GLCCI1: variants seen among roughly 807,000 people sequenced by gnomAD.
GLCCI1 encodes glucocorticoid induced 1.
A neutral mutation model predicts 52.2 loss-of-function variants in GLCCI1; 24 were observed. That is an observed-to-expected ratio of 0.46 (90% CI 0.33 to 0.65). The LOEUF (loss-of-function observed/expected upper bound fraction) is 0.65. GLCCI1 is among the 30% of genes least tolerant of loss of function. GLCCI1 has a pLI of 0.02. For synonymous variants in GLCCI1, 310 were observed against 276.5 expected (o/e 1.12, Z -1.20); for missense variants, 704 against 701.5 (o/e 1.00, Z -0.04).
Position 7,969,242 on chromosome 7 carries a change from T to G in GLCCI1, c.-109T>G. Reference sequence around the variant, plus strand: ...TCCCCCACAGCGATACCCCCGCCCCTCCCCCTTACACACTCGCACGCACTA... The same window carrying G: ...TCCCCCACAGCGATACCCCCGCCCCGCCCCCTTACACACTCGCACGCACTA... On this transcript the variant is annotated 5_prime_UTR_variant, in exon 1 of 8. Coordinates refer to ENST00000223145, the MANE Select transcript of GLCCI1 (RefSeq NM_138426.4). This position sits in a 1 kb window ranked among gnomAD's most constrained non-coding sequence, Gnocchi z 4.9. 10 of 189,588 alleles carry G rather than the reference T, an allele frequency of 5.3e-5. No individual in the cohort carries two copies. The highest frequency in any genetic ancestry group is 1.1e-4 in the South Asian group (1 of 9,136). The allele number at this position is 189,588 out of a possible 1,614,324, so 11.7% of individuals were successfully genotyped here. A position where few individuals can be genotyped will look rare whatever the true frequency, so the allele number is the denominator to read the frequency against.
At chr7:7,981,410 C>T (rs1780617093) in intron 1 of GLCCI1, among the ~76,000 whole-genome samples, 1 of 152,052 alleles carries the variant, frequency 6.6e-6, no homozygotes, top group Non-Finnish European at 1.5e-5. Context: ...GCAGCCTCTG[C>T]CTCCTGGGTT....
At chr7:7,970,372 T>C (rs946596543) in intron 1 of GLCCI1, 2 of 151,484 alleles carry the variant, frequency 1.3e-5, no homozygotes, top group African/African-American at 4.9e-5. Context: ...CAGTCCTCCC[T>C]CTCTCCCTCT....
chr7:8,016,320 T>A (rs1487162248), intron 2 of GLCCI1, among the ~76,000 whole-genome samples: 2 of 151,966 alleles, frequency 1.3e-5, no homozygotes, highest in Admixed American at 1.3e-4. Context: ...ATACAAAAAA[T>A]TAGCCGGGTG....
chr7:8,022,508 G>A lies in GLCCI1; in HGVS notation c.635G>A (p.Gly212Asp). 1 of 1,585,296 alleles carries A rather than the reference G, an allele frequency of 6.3e-7. No homozygotes were observed. Among genetic ancestry groups the A allele is most frequent in the Non-Finnish European group, 8.6e-7 (1 of 1,164,092 alleles). ...TQTPSCWAEEGAEKRSHQRSA... is the reference protein window; with the variant it reads ...TQTPSCWAEEDAEKRSHQRSA... Reference sequence around the variant, plus strand: ...ACACCTAGCTGTTGGGCAGAAGAGGGTGCAGAAAAGAGGTCACATCAGCGT... The same window carrying A: ...ACACCTAGCTGTTGGGCAGAAGAGGATGCAGAAAAGAGGTCACATCAGCGT... Residue 212 changes from glycine to aspartate, a missense_variant, in exon 3 of 8, where the codon GGT becomes GAT. Around this residue, in one of 3 missense-constraint regions of GLCCI1, gnomAD observed 547 missense variants for 524.8 expected, o/e 1.04. Transcript: ENST00000223145.
At position 8,035,990 on chromosome 7, in the gene GLCCI1, C is replaced by G. The variant is rs113227751; in HGVS notation, c.696+13421C>G. ...GGGGCTGAGCAGAGATCTCAGGCTA[C>G]TGTGCATTACACAGTCTGGCCAATT... is the stretch of plus-strand genomic sequence containing the variant. On this transcript the variant is annotated intron_variant, in intron 3 of 7. Transcript: ENST00000223145. Among the ~76,000 whole-genome samples the G allele has an allele frequency of 2.6e-4, 39 of 152,342 alleles. 1 individual carries two copies. Among genetic ancestry groups the G allele is most frequent in the African/African-American group, 5.8e-4 (24 of 41,576 alleles).
chr7:8,034,771 G>T (rs951812075), intron 3 of GLCCI1, among the ~76,000 whole-genome samples: 5 of 152,148 alleles, frequency 3.3e-5, no homozygotes, highest in Non-Finnish European at 7.4e-5. Flanking sequence ...AAGCCCAAGG[G>T]ACTTGCTATT....
At chr7:7,980,930 C>T (rs1781902704) in intron 1 of GLCCI1, 1 of 595,082 alleles carries the variant, frequency 1.7e-6, no homozygotes. Context: ...GATCAATCAC[C>T]AGAACCTACA....
At chr7:7,982,257 G>T in intron 1 of GLCCI1, 1 of 227,338 alleles carries the variant, frequency 4.4e-6, no homozygotes, top group South Asian at 6.2e-5. Flanking sequence ...GAATTGAGTG[G>T]CTAACATATT....
At chr7:8,068,090 GCCTATAAT>G (rs1782672849) in intron 5 of GLCCI1, among the ~76,000 whole-genome samples, 1 of 152,164 alleles carries the variant, frequency 6.6e-6, no homozygotes, top group African/African-American at 2.4e-5. Context: ...GGTGGCTCAT[GCCTATAAT>G]CCTAGCACTT....
chr7:8,057,961 A>C (rs1287696885), intron 4 of GLCCI1, among the ~76,000 whole-genome samples: 1 of 152,204 alleles, frequency 6.6e-6, no homozygotes, highest in Non-Finnish European at 1.5e-5. Context: ...ATATTCCAAA[A>C]ACCAAAAAAA....
chr7:8,037,005 C>G (rs1390208765), intron 3 of GLCCI1, among the ~76,000 whole-genome samples: 1 of 152,136 alleles, frequency 6.6e-6, no homozygotes, highest in East Asian at 1.9e-4. Context: ...GAATAATTCT[C>G]TCATCTTACT....
intron 3 of GLCCI1, among the ~76,000 whole-genome samples, chr7:8,051,977 C>T (rs901659246): frequency 6.6e-6 from 1 of 152,136 alleles, no homozygotes; most frequent in African/African-American, 2.4e-5. Context: ...ATAGCTATTA[C>T]TTTTGGTTCC....
intron 1 of GLCCI1, among the ~76,000 whole-genome samples, chr7:7,972,942 C>T (rs1444369968): frequency 2.0e-5 from 3 of 152,102 alleles, no homozygotes; most frequent in Non-Finnish European, 2.9e-5. Flanking sequence ...GCTCATGCAT[C>T]ATCCTCTTTT....
chr7:7,969,554 G>C lies in GLCCI1; in HGVS notation c.204G>C (p.Val68=), dbSNP rs1165245313. The part of the protein sequence containing the change: ...GRLLQPIRAT[V]PYQLLRGSQH... ...TGCTGCAGCCCATCCGCGCCACGGT[G>C]CCCTACCAGCTCTTGCGGGGCAGCC... Residue 68 remains valine (V), a synonymous_variant, in exon 1 of 8, where the codon GTG becomes GTC. Coordinates refer to ENST00000223145, the MANE Select transcript of GLCCI1 (RefSeq NM_138426.4). This position sits in a 1 kb window ranked among gnomAD's most constrained non-coding sequence, Gnocchi z 4.9. 9 of 1,002,492 alleles carry C rather than the reference G, an allele frequency of 9.0e-6. No individual in the cohort carries two copies. In the African/African-American group the frequency reaches 1.4e-4, roughly 16 times the overall value. The allele number at this position is 1,002,492 out of a possible 1,614,324, so 62.1% of individuals were successfully genotyped here.
chr7:8,071,123 G>A lies in GLCCI1; in HGVS notation c.1169G>A (p.Arg390His), dbSNP rs746961756. Residue 390 changes from arginine to histidine, a missense_variant, in exon 6 of 8, where the codon CGT (arginine) becomes CAT (histidine). Physicochemically the swap from Arg to His is conservative, Grantham distance 29 (BLOSUM62 0). Around this residue, in one of 3 missense-constraint regions of GLCCI1, gnomAD observed 547 missense variants for 524.8 expected, o/e 1.04. Transcript: ENST00000223145. ...PCSTEDLLYD[R>H]DKDSGSSSPL... ...TCAACAGAAGATTTGCTCTATGATC[G>A]TGATAAAGGTAAGAATGGAATTGTC... 7 of 1,613,460 alleles carry A rather than the reference G, an allele frequency of 4.3e-6. No homozygotes were observed. The highest frequency in any genetic ancestry group is 3.3e-5 in the South Asian group (3 of 91,068).
chr7:8,053,323 T>G (rs112808015), intron 3 of GLCCI1, among the ~76,000 whole-genome samples: 5,456 of 136,170 alleles, frequency 0.04, 154 homozygotes, highest in Non-Finnish European at 0.059. Context: ...TCGTTTTTTT[T>G]TTTGTTTGTT....
intron 6 of GLCCI1, among the ~76,000 whole-genome samples, chr7:8,083,055 G>C (rs1783030582): frequency 6.6e-6 from 1 of 152,114 alleles, no homozygotes; most frequent in African/African-American, 2.4e-5. Flanking sequence ...TGCCGTGTAG[G>C]CTAAGTTATG....
At chr7:7,981,773 C>G (rs1780627364) in intron 1 of GLCCI1, 2 of 360,756 alleles carry the variant, frequency 5.5e-6, no homozygotes, top group Admixed American at 3.8e-5. Context: ...AAGGAGTATA[C>G]AAAGGAACAG....
intron 3 of GLCCI1, among the ~76,000 whole-genome samples, chr7:8,027,612 C>A (rs191165282): frequency 6.6e-6 from 1 of 151,602 alleles, no homozygotes; most frequent in African/African-American, 2.4e-5. Flanking sequence ...TAAGTTCCTA[C>A]TTATCCATAA....
Sources: gnomAD v4.1 joint callset for allele counts (sites outside exome capture counted in the v4.1 genomes callset) on GRCh38, gnomAD v4.1.1 for gene constraint, gnomAD v4.1.1 regional missense constraint, Gnocchi (gnomAD v3.1) non-coding constraint, MANE v1.5 for transcripts, NCBI Gene and HGNC (gene_info 2026-07-23, HGNC 2026-07-21) for gene names.